ZFHX3: variants seen among roughly 807,000 people sequenced by gnomAD.
ZFHX3 encodes zinc finger homeobox 3.
ZFHX3 carries 42 observed loss-of-function variants against 279.1 expected under a neutral mutation model. The observed-to-expected ratio is 0.15, with a 90% CI of 0.12 to 0.19. The LOEUF (loss-of-function observed/expected upper bound fraction) is 0.19, where lower values mean the gene tolerates loss of function less well. Ranked by LOEUF, ZFHX3 falls within the 10% of genes least tolerant of loss-of-function variation. The pLI is 1.00. For missense variants in ZFHX3, 4,981 were observed against 4,754.0 expected (o/e 1.05, Z -1.40); for synonymous variants, 2,293 against 1,957.8 (o/e 1.17, Z -4.52).
chr16:73,587,153 C>G (rs943359865), intron 2 of ZFHX3, among the ~76,000 whole-genome samples: 1 of 152,114 alleles, frequency 6.6e-6, no homozygotes, highest in African/African-American at 2.4e-5. Flanking sequence ...AGAGGCCCAA[C>G]TCTGTTTCGA....
intron 2 of ZFHX3, among the ~76,000 whole-genome samples, chr16:73,667,522 T>C (rs528047127): frequency 6.6e-6 from 1 of 152,368 alleles, no homozygotes; most frequent in South Asian, 2.1e-4. Flanking sequence ...GGTTGTACCA[T>C]TTTGTATTCC....
In ZFHX3 at chr16:72,795,611, C is replaced by G; in HGVS notation, c.7071G>C (p.Glu2357Asp). The change falls in exon 9 of 10, where the codon GAG becomes GAC. Residue 2357 changes from glutamate (E) to aspartate (D), a missense_variant. Glu to Asp is a conservative substitution (Grantham distance 45). Around this residue, in one of 7 missense-constraint regions of ZFHX3, gnomAD observed 744 missense variants for 701.3 expected, o/e 1.06. Transcript: ENST00000268489. ...QKKLCYKDED[E>D]EGQDDSQNED... ...CATTTTGGCTGTCGTCCTGCCCCTC[C>G]TCATCCTCATCCTTGTAACACAGCT... 6.2e-7 allele frequency: 1 copy of G among 1,613,710 alleles called. No homozygotes were observed. The highest frequency in any genetic ancestry group is 1.1e-5 in the South Asian group (1 of 90,966).
chr16:72,949,037 A>G (rs1960842398), intron 3 of ZFHX3, among the ~76,000 whole-genome samples: 1 of 152,198 alleles, frequency 6.6e-6, no homozygotes, highest in Non-Finnish European at 1.5e-5. Context: ...AGAACATTCT[A>G]TCCCCTCTAC....
intron 3 of ZFHX3, among the ~76,000 whole-genome samples, chr16:73,417,521 C>A (rs945889357): frequency 4.6e-5 from 7 of 151,284 alleles, no homozygotes; most frequent in African/African-American, 1.7e-4. Context: ...TATGCACCAC[C>A]ATGCCCAGCC....
At chr16:73,430,561 C>A (rs530982779) in intron 3 of ZFHX3, among the ~76,000 whole-genome samples, 3 of 152,112 alleles carry the variant, frequency 2.0e-5, no homozygotes, top group Non-Finnish European at 4.4e-5. Context: ...TCTTCTATTC[C>A]AACATCATTT....
chr16:73,744,448 A>G (rs959473915), intron 1 of ZFHX3, among the ~76,000 whole-genome samples: 5 of 152,160 alleles, frequency 3.3e-5, no homozygotes, highest in African/African-American at 9.7e-5. Flanking sequence ...ATTTCAGTAA[A>G]CATTTTCTCC....
At chr16:73,691,655 C>T (rs999761715) in intron 1 of ZFHX3, among the ~76,000 whole-genome samples, 1 of 152,206 alleles carries the variant, frequency 6.6e-6, no homozygotes, top group Admixed American at 6.5e-5. Flanking sequence ...TCCCATTTTA[C>T]ATCAGGCTTA....
chr16:72,800,651 G>C (rs1217470652), intron 7 of ZFHX3, among the ~76,000 whole-genome samples: 1 of 152,174 alleles, frequency 6.6e-6, no homozygotes, highest in Non-Finnish European at 1.5e-5. Context: ...ACAAAGGGAA[G>C]GCTAGGGACA....
chr16:73,357,666 G>C (rs1287082547), intron 3 of ZFHX3, among the ~76,000 whole-genome samples: 1 of 152,222 alleles, frequency 6.6e-6, no homozygotes, highest in Non-Finnish European at 1.5e-5. Flanking sequence ...CCAGCAGACA[G>C]AGGAGTGGTA....
At chr16:73,765,492 G>T (rs1009301685) in intron 1 of ZFHX3, among the ~76,000 whole-genome samples, 1 of 152,210 alleles carries the variant, frequency 6.6e-6, no homozygotes, top group Non-Finnish European at 1.5e-5. Context: ...GAATTGTGAG[G>T]CTAGTTAAGG....
At chr16:73,445,298 A>ATGTG (rs1357671063) in intron 3 of ZFHX3, among the ~76,000 whole-genome samples, 72 of 47,128 alleles carry the variant, frequency 1.5e-3, no homozygotes, top group African/African-American at 3.1e-3. Flanking sequence ...ATATATGTAT[A>ATGTG]TGTATGTGTG....
intron 7 of ZFHX3, among the ~76,000 whole-genome samples, chr16:73,094,825 T>C (rs1169036833): frequency 6.6e-6 from 1 of 152,174 alleles, no homozygotes; most frequent in Non-Finnish European, 1.5e-5. Context: ...TTCTCCTGCT[T>C]CAGCCTCCTG....
rs2052536770 is a variant in ZFHX3 at position 73,637,352 on chromosome 16, C to A, written c.-1547+42828G>T. ...ATTCAAGTGATTCTCCTGCCTCAGC[C>A]TCCTGAGTAGTTGGGATTATAGGTG... On this transcript the variant is annotated intron_variant, in intron 2 of 17. Coordinates refer to the ZFHX3 transcript ENST00000641206. 4.0e-5 allele frequency among the ~76,000 whole-genome samples: 6 copies of A among 151,700 alleles called. No individual in the cohort carries two copies. The South Asian group carries it at 1.2e-3, about 31-fold the overall frequency.
rs1257544767 is a variant in ZFHX3, at chr16:73,350,192, A to G, written c.-1290-31856T>C. ...GCTGCACTGAAATCACATCTGATTT[A>G]TTCAACCCCTTTTCCCTGATGATTA... is the stretch of plus-strand genomic sequence containing the variant. On this transcript the variant is annotated intron_variant, in intron 3 of 17. Coordinates refer to the ZFHX3 transcript ENST00000641206. 2.0e-5 allele frequency among the ~76,000 whole-genome samples: 3 copies of G among 152,106 alleles called. No individual in the cohort carries two copies. In the East Asian group the frequency reaches 5.8e-4, roughly 30 times the overall value.
At chr16:73,000,800 G>A (rs532139060) in intron 1 of ZFHX3, among the ~76,000 whole-genome samples, 3 of 152,140 alleles carry the variant, frequency 2.0e-5, no homozygotes, top group East Asian at 1.9e-4. Context: ...CTCCACGTTC[G>A]ACACACTCCT....
chr16:73,351,380 A>T (rs942132426), intron 3 of ZFHX3, among the ~76,000 whole-genome samples: 2 of 152,166 alleles, frequency 1.3e-5, no homozygotes, highest in Admixed American at 1.3e-4. Context: ...AACAGGCCGT[A>T]TTGGTCCCTA....
chr16:73,776,168 T>G (rs1167025901), intron 1 of ZFHX3, among the ~76,000 whole-genome samples: 3 of 152,110 alleles, frequency 2.0e-5, no homozygotes, highest in Non-Finnish European at 4.4e-5. Flanking sequence ...GCAAATCGCG[T>G]TGTGCTTCCT....
intron 2 of ZFHX3, among the ~76,000 whole-genome samples, chr16:73,601,183 T>C (rs2052110748): frequency 6.6e-6 from 1 of 151,556 alleles, no homozygotes. Flanking sequence ...CCAGGCACAG[T>C]GGCTCACGCC....
intron 2 of ZFHX3, among the ~76,000 whole-genome samples, chr16:73,497,943 T>A (rs937548845): frequency 3.9e-5 from 6 of 152,236 alleles, no homozygotes; most frequent in Admixed American, 3.9e-4. Flanking sequence ...CCAATCACTC[T>A]TTCAACCTAA....
Sources: allele counts gnomAD v4.1 joint callset (sites outside exome capture counted in the v4.1 genomes callset), GRCh38; gene constraint gnomAD v4.1.1; regional missense constraint gnomAD v4.1.1; transcripts MANE v1.5; gene names NCBI Gene and HGNC (gene_info 2026-07-23, HGNC 2026-07-21).